OPCML: variants seen among roughly 807,000 people sequenced by gnomAD.
OPCML encodes the protein opioid binding protein/cell adhesion molecule like.
OPCML carries 13 observed loss-of-function variants against 37.8 expected under a neutral mutation model. The ratio of observed to expected loss-of-function variants is 0.34; its 90% CI spans 0.22 to 0.55. The LOEUF (loss-of-function observed/expected upper bound fraction) is 0.55. Among genes scored for constraint, OPCML ranks in the 20% least tolerant of loss-of-function variants. The probability of loss-of-function intolerance (pLI) is 0.91; values close to 1 mark genes in which losing one functional copy is unlikely to be tolerated. For synonymous variants in OPCML, 176 were observed against 168.8 expected, an observed-to-expected ratio of 1.04 and a Z score of -0.33; for missense variants, 341 against 435.6, an observed-to-expected ratio of 0.78 and a Z score of 1.93.
At chr11:132,779,559 G>C (rs965178119) in intron 2 of OPCML, among the ~76,000 whole-genome samples, 14 of 151,742 alleles carry the variant, frequency 9.2e-5, no homozygotes, top group African/African-American at 2.7e-4. Flanking sequence ...AGACAGAAGG[G>C]GGGCGTGGGG....
At chr11:133,079,264 C>G (rs1282710417) in intron 1 of OPCML, among the ~76,000 whole-genome samples, 2 of 152,148 alleles carry the variant, frequency 1.3e-5, no homozygotes, top group Non-Finnish European at 2.9e-5. Flanking sequence ...AAGAATGGAT[C>G]CATGGAGCAC....
In OPCML at chr11:133,087,810, G is replaced by A. The variant is rs530046997; in HGVS notation, c.62-144800C>T. ...TGCTGATGCTTACAGGCTCTTTCCC[G>A]CACTGGCTAGCTGAGCAGTCATAGG... On this transcript the variant is annotated intron_variant, in intron 1 of 7. Transcript: ENST00000524381. Among the ~76,000 whole-genome samples the A allele has an allele frequency of 5.3e-5, 8 of 152,250 alleles. No homozygotes were observed. In the East Asian group the frequency reaches 5.8e-4, roughly 11 times the overall value.
intron 1 of OPCML, among the ~76,000 whole-genome samples, chr11:133,048,227 A>T (rs539208869): frequency 6.6e-6 from 1 of 152,174 alleles, no homozygotes; most frequent in Non-Finnish European, 1.5e-5. Flanking sequence ...TTTTTACAAC[A>T]ATCCCATGAG....
intron 1 of OPCML, chr11:133,419,117 C>T: frequency 2.4e-6 from 1 of 408,930 alleles, no homozygotes; most frequent in Non-Finnish European, 3.3e-6. Context: ...AATAACTCTA[C>T]CTGCCATGTG....
At chr11:133,011,068 G>A (rs1056433928) in intron 1 of OPCML, among the ~76,000 whole-genome samples, 1 of 152,210 alleles carries the variant, frequency 6.6e-6, no homozygotes, top group Non-Finnish European at 1.5e-5. Context: ...GTACAAGCAA[G>A]CCCGGCAAGA....
Position 132,436,654 on chromosome 11 carries a change from G to T in OPCML, c.764+5C>A, listed in dbSNP as rs376085210. The stretch of plus-strand genomic sequence containing the variant: ...AGAACTGTCCAGGTGTCATTTAAAA[G>T]GTACCTGGTTTCTTCCTTGAACCAC... On this transcript the variant is annotated splice_donor_5th_base_variant and intron_variant, in intron 6 of 7. Transcript: ENST00000524381. 4.3e-5 allele frequency: 70 copies of T among 1,613,952 alleles called. No individual in the cohort carries two copies. The East Asian group carries it at 9.4e-4, about 22-fold the overall frequency.
At position 133,319,048 on chromosome 11, in the gene OPCML, A is replaced by G. The variant is rs931715500; in HGVS notation, c.61+213216T>C. On this transcript the variant is annotated intron_variant, in intron 1 of 7. Coordinates refer to ENST00000524381, the MANE Select transcript of OPCML (RefSeq NM_001012393.5). ...TCTCAAAAAATAAAAATAAAATAAA[A>G]TAAATCATGAGGCCACGCAGCTAAT... 4.4e-4 allele frequency among the ~76,000 whole-genome samples: 67 copies of G among 152,216 alleles called. 2 individuals are homozygous for G. The highest frequency in any genetic ancestry group is 6.8e-3 in the Middle Eastern group (2 of 294).
intron 1 of OPCML, chr11:133,421,925 G>T (rs540344717): frequency 7.8e-6 from 3 of 385,396 alleles, no homozygotes; most frequent in African/African-American, 2.2e-5. Flanking sequence ...AATCTTGGGA[G>T]TAGGTTTTTA....
chr11:133,348,135 A>C (rs991676031), intron 1 of OPCML, among the ~76,000 whole-genome samples: 5 of 152,170 alleles, frequency 3.3e-5, no homozygotes, highest in Non-Finnish European at 7.3e-5. Flanking sequence ...GTCTTCTTTG[A>C]TTACTCACTG....
chr11:132,903,783 C>T (rs1944143048), intron 2 of OPCML, among the ~76,000 whole-genome samples: 1 of 152,210 alleles, frequency 6.6e-6, no homozygotes. Flanking sequence ...ATGCTCCTCA[C>T]TAACCTTTCC....
chr11:133,389,590 ATTG>A (rs1204014484), intron 1 of OPCML, among the ~76,000 whole-genome samples: 5 of 152,158 alleles, frequency 3.3e-5, no homozygotes, highest in Non-Finnish European at 7.3e-5. Flanking sequence ...TATTATTGTC[ATTG>A]TTATTACTAT....
At chr11:133,487,299 G>A (rs7125997) in intron 1 of OPCML, among the ~76,000 whole-genome samples, 5,135 of 152,010 alleles carry the variant, frequency 0.034, 124 homozygotes, top group South Asian at 0.11. Context: ...ATCTTGCAGC[G>A]TGCTCCCCAC....
At chr11:132,829,354 T>C (rs1022995765) in intron 2 of OPCML, among the ~76,000 whole-genome samples, 2 of 152,210 alleles carry the variant, frequency 1.3e-5, no homozygotes, top group Admixed American at 1.3e-4. Flanking sequence ...CCCTCTGAGA[T>C]AGAGACCATT....
At chr11:133,531,992 C>T (rs577022712) in intron 1 of OPCML, 1 of 162,050 alleles carries the variant, frequency 6.2e-6, no homozygotes, top group South Asian at 2.0e-4. Context: ...ACTGAAACAG[C>T]AGTGCCTCAC....
intron 2 of OPCML, among the ~76,000 whole-genome samples, chr11:132,687,405 T>TACATATAC (rs1565776255): frequency 1.0e-5 from 1 of 96,000 alleles, no homozygotes; most frequent in African/African-American, 6.3e-5. Context: ...TATATATATA[T>TACATATAC]ATATATATAT....
Position 133,435,735 on chromosome 11 carries a change from G to A in OPCML, c.61+96529C>T, listed in dbSNP as rs560124171. 9.2e-5 allele frequency among the ~76,000 whole-genome samples: 14 copies of A among 152,230 alleles called. No individual in the cohort carries two copies. The East Asian group carries it at 2.5e-3, about 27-fold the overall frequency. ...CTGATTTCCATAAATAATGAAGATGGGAAATTATCTCTGACATTATCTCTG... is the reference window on the plus strand; with the variant it reads ...CTGATTTCCATAAATAATGAAGATGAGAAATTATCTCTGACATTATCTCTG... On this transcript the variant is annotated intron_variant, in intron 1 of 7. Coordinates refer to ENST00000524381, the MANE Select transcript of OPCML (RefSeq NM_001012393.5).
chr11:132,756,415 T>G (rs1436075791), intron 2 of OPCML, among the ~76,000 whole-genome samples: 2 of 152,198 alleles, frequency 1.3e-5, no homozygotes, highest in Non-Finnish European at 2.9e-5. Flanking sequence ...ATGATGAGCA[T>G]GTAAATTATC....
chr11:133,045,334 C>T (rs117953611), intron 1 of OPCML, among the ~76,000 whole-genome samples: 1 of 152,328 alleles, frequency 6.6e-6, no homozygotes, highest in Non-Finnish European at 1.5e-5. Flanking sequence ...CTATGGTCTT[C>T]GCTAGCTCTA....
intron 1 of OPCML, among the ~76,000 whole-genome samples, chr11:133,529,276 G>A (rs1471412656): frequency 6.6e-6 from 1 of 152,184 alleles, no homozygotes. Flanking sequence ...TCTCCTCCTA[G>A]GTGATTCTGA....
Sources: gnomAD v4.1 joint callset for allele counts (sites outside exome capture counted in the v4.1 genomes callset) on GRCh38, gnomAD v4.1.1 for gene constraint, MANE v1.5 for transcripts, NCBI Gene and HGNC (gene_info 2026-07-23, HGNC 2026-07-21) for gene names.